Variants in MDGA2 observed in about 807,000 individuals in gnomAD.
MDGA2 encodes MAM domain containing glycosylphosphatidylinositol anchor 2.
MDGA2 carries 40 observed loss-of-function variants against 117.8 expected under a neutral mutation model. The ratio of observed to expected loss-of-function variants is 0.34; its 90% CI spans 0.26 to 0.44. MDGA2 has a LOEUF of 0.44. Among genes scored for constraint, MDGA2 ranks in the 20% least tolerant of loss-of-function variants. The probability of loss-of-function intolerance (pLI) is 1.00; values close to 1 mark genes in which losing one functional copy is unlikely to be tolerated. For missense variants in MDGA2, 1,123 were observed against 1,250.6 expected (o/e 0.90, Z 1.54); for synonymous variants, 452 against 439.0 (o/e 1.03, Z -0.37).
At chr14:47,502,320 C>G (rs1445911322) in intron 1 of MDGA2, among the ~76,000 whole-genome samples, 4 of 152,060 alleles carry the variant, frequency 2.6e-5, no homozygotes. Context: ...GTGAGACCCT[C>G]ATTTCTAAAA....
intron 1 of MDGA2, among the ~76,000 whole-genome samples, chr14:47,618,717 G>T (rs1896991805): frequency 6.6e-6 from 1 of 152,118 alleles, no homozygotes; most frequent in East Asian, 1.9e-4. Context: ...ATGTCCGTAA[G>T]CTTGGAACAT....
At chr14:47,431,552 AGAG>A (rs1242569272) in intron 1 of MDGA2, among the ~76,000 whole-genome samples, 1 of 152,084 alleles carries the variant, frequency 6.6e-6, no homozygotes, top group Non-Finnish European at 1.5e-5. Flanking sequence ...AACACTTACA[AGAG>A]GTAAATCCAG....
chr14:46,957,900 C>T (rs982477444), intron 8 of MDGA2, among the ~76,000 whole-genome samples: 14 of 152,156 alleles, frequency 9.2e-5, no homozygotes, highest in South Asian at 6.2e-4. Context: ...ACTGATCCTT[C>T]GTACCTCTTT....
intron 1 of MDGA2, among the ~76,000 whole-genome samples, chr14:47,329,895 T>C (rs1018749062): frequency 2.0e-5 from 3 of 151,956 alleles, no homozygotes; most frequent in Non-Finnish European, 4.4e-5. Flanking sequence ...ACATTAAAAT[T>C]TAGCCCAAAT....
chr14:47,660,920 G>T (rs755840468), intron 1 of MDGA2, among the ~76,000 whole-genome samples: 2 of 152,018 alleles, frequency 1.3e-5, no homozygotes, highest in Non-Finnish European at 1.5e-5. Flanking sequence ...CTCAGTATGG[G>T]CATTTCAATA....
chr14:47,275,981 A>G (rs1013167958), intron 2 of MDGA2, among the ~76,000 whole-genome samples: 14 of 152,106 alleles, frequency 9.2e-5, no homozygotes, highest in Non-Finnish European at 2.1e-4. Flanking sequence ...GGGTTTGACT[A>G]GACAGTCTTT....
At chr14:47,320,282 C>T (rs1889941810) in intron 1 of MDGA2, among the ~76,000 whole-genome samples, 1 of 151,992 alleles carries the variant, frequency 6.6e-6, no homozygotes, top group African/African-American at 2.4e-5. Flanking sequence ...ATTGGGAAGC[C>T]AAGGCAGGAG....
chr14:47,307,313 A>G (rs1036975064), intron 1 of MDGA2, among the ~76,000 whole-genome samples: 9 of 151,794 alleles, frequency 5.9e-5, no homozygotes, highest in Non-Finnish European at 1.3e-4. Context: ...AGTCCATATT[A>G]CTCCTGTTGT....
intron 1 of MDGA2, among the ~76,000 whole-genome samples, chr14:47,523,362 T>C (rs1331134869): frequency 6.6e-6 from 1 of 152,208 alleles, no homozygotes. Flanking sequence ...ATTTAATTGA[T>C]ATTGACCCTG....
At chr14:47,081,652 T>C (rs1890712953) in intron 6 of MDGA2, among the ~76,000 whole-genome samples, 1 of 152,176 alleles carries the variant, frequency 6.6e-6, no homozygotes, top group Admixed American at 6.5e-5. Flanking sequence ...CATACAACCA[T>C]ATATCATATG....
chr14:46,948,160 GCTTT>G (rs1426207854), intron 9 of MDGA2, among the ~76,000 whole-genome samples: 1 of 151,746 alleles, frequency 6.6e-6, no homozygotes, highest in Non-Finnish European at 1.5e-5. Context: ...TATCCTCCCT[GCTTT>G]CTTTGAGGAT....
intron 1 of MDGA2, among the ~76,000 whole-genome samples, chr14:47,581,753 G>A (rs1303900867): frequency 6.6e-6 from 1 of 151,864 alleles, no homozygotes; most frequent in Non-Finnish European, 1.5e-5. Flanking sequence ...GAAAACACAG[G>A]CGCAACAACC....
chr14:47,404,031 T>C (rs1892209502), intron 1 of MDGA2, among the ~76,000 whole-genome samples: 1 of 152,136 alleles, frequency 6.6e-6, no homozygotes, highest in Non-Finnish European at 1.5e-5. Context: ...TTTCCCTGTT[T>C]CTTTGGGTCT....
rs1362662644 is a variant in MDGA2, at chr14:47,558,918, A to T, written c.280+115599T>A. Among the ~76,000 whole-genome samples the T allele has an allele frequency of 3.3e-5, 5 of 152,216 alleles. No individual in the cohort carries two copies. In the East Asian group the frequency reaches 9.7e-4, roughly 29 times the overall value. ...GTAAAATAGGCAGCTATAATCTGTA[A>T]ATTTTATATTTTCTTTAAAATTTGA... On this transcript the variant is annotated intron_variant, in intron 1 of 16. Transcript: ENST00000399232.
At chr14:47,173,844 C>T (rs1217321793) in intron 3 of MDGA2, among the ~76,000 whole-genome samples, 1 of 152,180 alleles carries the variant, frequency 6.6e-6, no homozygotes, top group Non-Finnish European at 1.5e-5. Flanking sequence ...AATTAAAAGA[C>T]ACGGACTGGC....
intron 10 of MDGA2, among the ~76,000 whole-genome samples, chr14:46,883,843 T>A (rs553530495): frequency 6.6e-6 from 1 of 152,216 alleles, no homozygotes; most frequent in African/African-American, 2.4e-5. Flanking sequence ...ATTTTTTTAT[T>A]CTCCTTAATT....
chr14:47,091,199 A>G (rs1004359245), intron 6 of MDGA2, among the ~76,000 whole-genome samples: 7 of 152,144 alleles, frequency 4.6e-5, no homozygotes, highest in Non-Finnish European at 8.8e-5. Context: ...CATATCCAGA[A>G]AAGAAATCTA....
intron 1 of MDGA2, among the ~76,000 whole-genome samples, chr14:47,605,312 G>T (rs1360781976): frequency 1.4e-4 from 21 of 152,090 alleles, no homozygotes; most frequent in Non-Finnish European, 2.9e-4. Context: ...ATAGTTAAGT[G>T]GCAATATTTG....
At chr14:47,645,329 C>T (rs1469665350) in intron 1 of MDGA2, among the ~76,000 whole-genome samples, 1 of 151,902 alleles carries the variant, frequency 6.6e-6, no homozygotes, top group Non-Finnish European at 1.5e-5. Flanking sequence ...CTGCAAGCTC[C>T]GCCTCCCGGG....
Sources: allele counts gnomAD v4.1 joint callset (sites outside exome capture counted in the v4.1 genomes callset), GRCh38; gene constraint gnomAD v4.1.1; transcripts MANE v1.5; gene names NCBI Gene and HGNC (gene_info 2026-07-23, HGNC 2026-07-21).